SMAD1: variants seen among roughly 807,000 people sequenced by gnomAD.
The protein encoded by SMAD1 is MAD, mothers against decapentaplegic homolog 1.
SMAD1 carries 6 observed loss-of-function variants against 41.6 expected under a neutral mutation model. The ratio of observed to expected loss-of-function variants is 0.14; its 90% CI spans 0.08 to 0.28. The LOEUF (loss-of-function observed/expected upper bound fraction) is 0.28, where lower values mean the gene tolerates loss of function less well. SMAD1 is among the 10% of genes least tolerant of loss of function. SMAD1 has a pLI of 1.00. For missense variants in SMAD1, 379 were observed against 582.6 expected (o/e 0.65, Z 3.60); for synonymous variants, 206 against 203.2 (o/e 1.01, Z -0.12).
chr4:145,517,464 C>T (rs919126693), intron 2 of SMAD1, among the ~76,000 whole-genome samples: 1 of 152,064 alleles, frequency 6.6e-6, no homozygotes, highest in Non-Finnish European at 1.5e-5. Context: ...CCATAGCAAC[C>T]TGAATTTCTT....
chr4:145,538,619 A>C (rs1731744761), intron 2 of SMAD1, among the ~76,000 whole-genome samples: 3 of 152,170 alleles, frequency 2.0e-5, no homozygotes, highest in African/African-American at 7.2e-5. Context: ...AAGCCCTCAA[A>C]AGTCTGCTAA....
chr4:145,483,156 T>A (rs1408384677), intron 1 of SMAD1: 2 of 152,200 alleles, frequency 1.3e-5, no homozygotes, highest in Non-Finnish European at 2.9e-5. Flanking sequence ...CAGAACCATC[T>A]CCTGAGAAAG....
At chr4:145,549,988 A>G (rs973393755) in intron 5 of SMAD1, among the ~76,000 whole-genome samples, 3 of 152,200 alleles carry the variant, frequency 2.0e-5, no homozygotes, top group Non-Finnish European at 4.4e-5. Context: ...CTTATCCCAA[A>G]GTAGCAAAGA....
In SMAD1 at chr4:145,500,641, C is replaced by T. The variant is rs373135669; in HGVS notation, c.-176-13797C>T. On this transcript the variant is annotated intron_variant, in intron 1 of 6. Transcript: ENST00000302085. ...ACTTTTTGTGTCTCTTTCAGTGCTG[C>T]GTTTCTAGTGCTTAGAATAGTGCCT... Among the ~76,000 whole-genome samples the T allele has an allele frequency of 4.3e-4, 66 of 152,172 alleles. 1 individual carries two copies. In the South Asian group the frequency reaches 0.012, roughly 27 times the overall value.
chr4:145,510,215 TTTA>T (rs1387310642), intron 1 of SMAD1, among the ~76,000 whole-genome samples: 1 of 152,180 alleles, frequency 6.6e-6, no homozygotes, highest in Non-Finnish European at 1.5e-5. Flanking sequence ...TTTATCCAAT[TTTA>T]TTAGTATTTT....
At chr4:145,517,551 A>G (rs1730485610) in intron 2 of SMAD1, among the ~76,000 whole-genome samples, 1 of 152,174 alleles carries the variant, frequency 6.6e-6, no homozygotes, top group South Asian at 2.1e-4. Context: ...CCATGAGGGC[A>G]GGGACTATGT....
chr4:145,495,544 A>G (rs1273999149), intron 1 of SMAD1, among the ~76,000 whole-genome samples: 2 of 151,602 alleles, frequency 1.3e-5, no homozygotes, highest in Admixed American at 6.6e-5. Context: ...AGAGCTAGCA[A>G]TTTTTGTTTT....
intron 1 of SMAD1, chr4:145,483,290 T>G (rs73852318): frequency 0.16 from 24,449 of 152,158 alleles, 3,911 homozygotes; most frequent in African/African-American, 0.42. Flanking sequence ...TTTCTGTTAT[T>G]TCTTCCTGTT....
Position 145,557,941 on chromosome 4 carries a change from C to T in SMAD1, c.*7C>T, listed in dbSNP as rs868686824. The T allele has an allele frequency of 3.8e-6, 6 of 1,593,588 alleles. No individual in the cohort carries two copies. The highest frequency in any genetic ancestry group is 1.8e-4 in the Middle Eastern group (1 of 5,592). On this transcript the variant is annotated 3_prime_UTR_variant, in exon 7 of 7. Transcript: ENST00000302085. ...TATTTCATCTGTATCTTAAATGGCC[C>T]CAGGCATCTGCCTCTGGAAAACTAT...
chr4:145,548,572 A>G (rs1732383874), intron 5 of SMAD1, among the ~76,000 whole-genome samples: 1 of 152,176 alleles, frequency 6.6e-6, no homozygotes, highest in Non-Finnish European at 1.5e-5. Context: ...AACAATACAA[A>G]TTTATAAGTC....
At chr4:145,499,353 T>C (rs1729292075) in intron 1 of SMAD1, among the ~76,000 whole-genome samples, 1 of 152,238 alleles carries the variant, frequency 6.6e-6, no homozygotes, top group Admixed American at 6.5e-5. Flanking sequence ...CCAGGCATGG[T>C]GGTTCATGCC....
At chr4:145,507,922 C>T (rs1251943595) in intron 1 of SMAD1, among the ~76,000 whole-genome samples, 1 of 152,042 alleles carries the variant, frequency 6.6e-6, no homozygotes, top group African/African-American at 2.4e-5. Context: ...TTAAAAAATG[C>T]TTAACTCAGG....
intron 1 of SMAD1, among the ~76,000 whole-genome samples, chr4:145,499,892 G>T (rs1005522227): frequency 6.6e-6 from 1 of 151,802 alleles, no homozygotes; most frequent in South Asian, 2.1e-4. Context: ...TCCTACCTCA[G>T]ATATTCAATC....
intron 2 of SMAD1, among the ~76,000 whole-genome samples, chr4:145,531,908 C>T (rs1205906953): frequency 6.6e-6 from 1 of 151,946 alleles, no homozygotes; most frequent in Non-Finnish European, 1.5e-5. Context: ...AAGCTGCTTT[C>T]TCACGAACAT....
chr4:145,553,251 A>G (rs984542395), intron 5 of SMAD1, among the ~76,000 whole-genome samples: 3 of 149,648 alleles, frequency 2.0e-5, no homozygotes, highest in African/African-American at 7.5e-5. Context: ...TATTTTCTAG[A>G]AACCTCCTAG....
chr4:145,512,922 T>C, intron 1 of SMAD1, among the ~76,000 whole-genome samples: 1 of 152,204 alleles, frequency 6.6e-6, no homozygotes, highest in East Asian at 1.9e-4. Flanking sequence ...TGATTCTAGA[T>C]TGGTTGTAAA....
intron 4 of SMAD1, 176 bp from the exon 5 acceptor site, chr4:145,546,527 G>A: frequency 1.7e-6 from 1 of 597,412 alleles, no homozygotes; most frequent in South Asian, 2.1e-5. Context: ...AATAAGGAGA[G>A]TGTCATATTA....
At chr4:145,507,463 G>A (rs1295775585) in intron 1 of SMAD1, among the ~76,000 whole-genome samples, 2 of 151,996 alleles carry the variant, frequency 1.3e-5, no homozygotes, top group African/African-American at 2.4e-5. Flanking sequence ...TTGAGTGGAT[G>A]TATGCAGTTT....
At chr4:145,534,794 A>G (rs991257754) in intron 2 of SMAD1, among the ~76,000 whole-genome samples, 5 of 152,164 alleles carry the variant, frequency 3.3e-5, no homozygotes, top group Admixed American at 6.5e-5. Context: ...AAATTATGAA[A>G]CTTTATATGC....
Sources: gnomAD v4.1 joint callset for allele counts (sites outside exome capture counted in the v4.1 genomes callset) on GRCh38, gnomAD v4.1.1 for gene constraint, MANE v1.5 for transcripts, NCBI Gene and HGNC (gene_info 2026-07-23, HGNC 2026-07-21) for gene names.